Variants in SLC5A11 observed in about 807,000 individuals in gnomAD.
SLC5A11 encodes solute carrier family 5 member 11.
A neutral mutation model predicts 69.8 loss-of-function variants in SLC5A11; 48 were observed. The observed-to-expected ratio is 0.69, with a 90% CI of 0.55 to 0.87. The LOEUF (loss-of-function observed/expected upper bound fraction) is 0.87. SLC5A11 is among the 40% of genes least tolerant of loss of function. The pLI is 0.00. For synonymous variants in SLC5A11, 319 were observed against 342.4 expected, an observed-to-expected ratio of 0.93 and a Z score of 0.75; for missense variants, 784 against 866.1, an observed-to-expected ratio of 0.91 and a Z score of 1.19.
chr16:24,854,918 A>G lies in SLC5A11; in HGVS notation c.-24-3702A>G, dbSNP rs904714712. 4.0e-5 allele frequency among the ~76,000 whole-genome samples: 6 copies of G among 151,732 alleles called. 1 individual carries two copies. The highest frequency in any genetic ancestry group is 1.9e-4 in the East Asian group (1 of 5,138). ...AGTCTCCACCTCTAGGCCTTCTCTCACTTTCTTGCACAGAGAAAGGTTAGG... is the reference window on the plus strand; with the variant it reads ...AGTCTCCACCTCTAGGCCTTCTCTCGCTTTCTTGCACAGAGAAAGGTTAGG... On this transcript the variant is annotated intron_variant, in intron 1 of 15. Coordinates refer to ENST00000347898, the Ensembl canonical transcript of SLC5A11.
At chr16:24,890,506 AAAAAAAAAAGAAGG>A (rs2048711144) in intron 8 of SLC5A11, among the ~76,000 whole-genome samples, 3 of 58,118 alleles carry the variant, frequency 5.2e-5, no homozygotes, top group Non-Finnish European at 7.3e-5. Flanking sequence ...AAAAAAAAAA[AAAAAAAAAAGAAGG>A]AAGGAAGGAA....
chr16:24,875,731 G>A (rs757736114), exon 6 of SLC5A11: 20 of 1,612,118 alleles, frequency 1.2e-5, no homozygotes, highest in African/African-American at 1.1e-4. Context: ...CCAAGATCTC[G>A]GTAAGGCAGG....
chr16:24,869,831 A>C (rs11866271), intron 3 of SLC5A11, 70 bp from the exon 5 acceptor site: 279,588 of 1,091,260 alleles, frequency 0.26, 38,063 homozygotes, highest in South Asian at 0.28. Context: ...GGAGCATGGA[A>C]ATAATTGGGG....
intron 3 of SLC5A11, among the ~76,000 whole-genome samples, chr16:24,865,931 A>G (rs140551205): frequency 6.6e-6 from 1 of 151,934 alleles, no homozygotes; most frequent in Non-Finnish European, 1.5e-5. Context: ...AATTTAAAAG[A>G]CAGTTGCATA....
At chr16:24,885,874 G>A (rs1390093039) in intron 8 of SLC5A11, among the ~76,000 whole-genome samples, 1 of 151,868 alleles carries the variant, frequency 6.6e-6, no homozygotes. Flanking sequence ...GAGGTGAAGG[G>A]AGAATAGAAG....
At chr16:24,909,060 C>T (rs200934183) in exon 14 of SLC5A11, 131 of 1,613,996 alleles carry the variant, frequency 8.1e-5, no homozygotes, top group East Asian at 2.0e-4. Flanking sequence ...CTGTCTCCAC[C>T]GTGAGCTGGT....
chr16:24,874,534 G>C (rs1030937560), intron 5 of SLC5A11, among the ~76,000 whole-genome samples: 2 of 152,074 alleles, frequency 1.3e-5, no homozygotes, highest in Admixed American at 6.6e-5. Flanking sequence ...TTGCGAATTT[G>C]GTGCATGTGT....
intron 3 of SLC5A11, 34 bp from the exon 5 acceptor site, chr16:24,869,867 G>C: frequency 6.7e-7 from 1 of 1,498,042 alleles, no homozygotes; most frequent in Non-Finnish European, 9.3e-7. Context: ...CCTTGACTTT[G>C]TCTCCAAGAT....
At chr16:24,848,184 G>A (rs921786263) in intron 1 of SLC5A11, among the ~76,000 whole-genome samples, 1 of 152,198 alleles carries the variant, frequency 6.6e-6, no homozygotes, top group Non-Finnish European at 1.5e-5. Flanking sequence ...GGAATAAAAT[G>A]AATGCTAGTA....
chr16:24,853,384 C>G (rs1315249887), intron 1 of SLC5A11, among the ~76,000 whole-genome samples: 5 of 152,180 alleles, frequency 3.3e-5, no homozygotes, highest in Non-Finnish European at 4.4e-5. Context: ...AGTCACAAGA[C>G]CTAACACAGA....
chr16:24,864,807 T>C (rs543191913), intron 3 of SLC5A11, among the ~76,000 whole-genome samples: 1 of 145,950 alleles, frequency 6.9e-6, no homozygotes, highest in Non-Finnish European at 1.5e-5. Context: ...ATTAAAGAGA[T>C]AGATTTTTTT....
chr16:24,853,840 G>A (rs1452146352), intron 1 of SLC5A11, among the ~76,000 whole-genome samples: 1 of 152,254 alleles, frequency 6.6e-6, no homozygotes, highest in Non-Finnish European at 1.5e-5. Flanking sequence ...TGTTAGGGCC[G>A]ATTCTCAGTA....
intron 1 of SLC5A11, among the ~76,000 whole-genome samples, chr16:24,851,306 A>C (rs2059294451): frequency 6.6e-6 from 1 of 150,838 alleles, no homozygotes; most frequent in Non-Finnish European, 1.5e-5. Flanking sequence ...TGAGGTCAGG[A>C]GTTCAAGACC....
intron 8 of SLC5A11, among the ~76,000 whole-genome samples, chr16:24,886,344 G>A (rs1181484492): frequency 6.6e-6 from 1 of 151,858 alleles, no homozygotes; most frequent in Admixed American, 6.6e-5. Context: ...AAAACAAACA[G>A]GAGTTCTAAT....
At chr16:24,874,538 C>T (rs769276374) in intron 5 of SLC5A11, among the ~76,000 whole-genome samples, 6 of 152,128 alleles carry the variant, frequency 3.9e-5, no homozygotes, top group Admixed American at 6.6e-5. Flanking sequence ...GAATTTGGTG[C>T]ATGTGTAGTG....
intron 7 of SLC5A11, among the ~76,000 whole-genome samples, chr16:24,883,373 T>C (rs115629985): frequency 4.0e-5 from 6 of 150,762 alleles, no homozygotes; most frequent in Non-Finnish European, 7.4e-5. Context: ...CTCTAAAAAA[T>C]AAATAAATAA....
chr16:24,897,640 G>A (rs2049276231), intron 9 of SLC5A11, among the ~76,000 whole-genome samples: 1 of 152,172 alleles, frequency 6.6e-6, no homozygotes, highest in African/African-American at 2.4e-5. Context: ...AGGTTGAATG[G>A]ACTCACAGTT....
chr16:24,899,078 TA>T (rs2152395345), intron 10 of SLC5A11, among the ~76,000 whole-genome samples: 1 of 150,382 alleles, frequency 6.6e-6, no homozygotes, highest in Admixed American at 6.6e-5. Flanking sequence ...TTGACCTCCC[TA>T]AATTCTGGGA....
At chr16:24,854,046 G>A (rs938792671) in intron 1 of SLC5A11, among the ~76,000 whole-genome samples, 5 of 152,020 alleles carry the variant, frequency 3.3e-5, no homozygotes, top group African/African-American at 4.8e-5. Flanking sequence ...CAGTTTCGCC[G>A]GCTGTGGGCC....
Sources: gnomAD v4.1 joint callset for allele counts (sites outside exome capture counted in the v4.1 genomes callset) on GRCh38, gnomAD v4.1.1 for gene constraint, MANE v1.5 for transcripts, NCBI Gene and HGNC (gene_info 2026-07-23, HGNC 2026-07-21) for gene names.